The following BCKDHB variants were observed in gnomAD, a reference collection of about 807,000 sequenced individuals.
BCKDHB encodes the protein 2-oxoisovalerate dehydrogenase subunit beta, mitochondrial.
In BCKDHB, 41 loss-of-function variants were observed where a neutral mutation model predicts 48.5. That is an observed-to-expected ratio of 0.85 (90% confidence interval 0.66 to 1.10). The LOEUF (loss-of-function observed/expected upper bound fraction) is 1.10, where lower values mean the gene tolerates loss of function less well. Ranked by LOEUF, BCKDHB falls within the 50% of genes least tolerant of loss-of-function variation. The pLI is 0.00. For synonymous variants in BCKDHB, 201 were observed against 174.8 expected, an observed-to-expected ratio of 1.15 and a Z score of -1.18; for missense variants, 496 against 494.2, an observed-to-expected ratio of 1.00 and a Z score of -0.03.
intron 6 of BCKDHB, among the ~76,000 whole-genome samples, chr6:80,177,076 A>G (rs1293804530): frequency 6.6e-6 from 1 of 151,454 alleles, no homozygotes; most frequent in Admixed American, 6.6e-5. Context: ...AAAATGCAAA[A>G]TGTAGCCAGG....
intron 8 of BCKDHB, among the ~76,000 whole-genome samples, chr6:80,225,299 A>G (rs1775635175): frequency 6.6e-6 from 1 of 152,170 alleles, no homozygotes; most frequent in African/African-American, 2.4e-5. Flanking sequence ...AAGGAGATAT[A>G]TACTTTCTAT....
At chr6:80,185,292 A>T (rs1275469363) in intron 6 of BCKDHB, among the ~76,000 whole-genome samples, 1 of 149,328 alleles carries the variant, frequency 6.7e-6, no homozygotes, top group African/African-American at 2.5e-5. Flanking sequence ...TATGATATTT[A>T]TTTCTCTGTA....
chr6:80,389,001 A>C, the BCKDHB span, among the ~76,000 whole-genome samples: 1 of 152,206 alleles, frequency 6.6e-6, no homozygotes, highest in African/African-American at 2.4e-5. Context: ...AGGGACTTGG[A>C]AGAAGCATGA....
intron 9 of BCKDHB, among the ~76,000 whole-genome samples, chr6:80,294,222 C>T (rs573449531): frequency 2.6e-5 from 4 of 152,276 alleles, no homozygotes; most frequent in Non-Finnish European, 2.9e-5. Context: ...GGACATTTAT[C>T]GGTTCTCAAA....
intron 3 of BCKDHB, among the ~76,000 whole-genome samples, chr6:80,145,273 C>T (rs1195853798): frequency 6.6e-6 from 1 of 152,140 alleles, no homozygotes; most frequent in Non-Finnish European, 1.5e-5. Flanking sequence ...CTTTATTGTG[C>T]ACAGCCATGA....
chr6:80,238,739 A>G (rs1326458805), intron 8 of BCKDHB, among the ~76,000 whole-genome samples: 1 of 133,504 alleles, frequency 7.5e-6, no homozygotes, highest in African/African-American at 2.5e-5. Flanking sequence ...TCCTAATGCT[A>G]TCCCTCCCCC....
At chr6:80,322,241 T>TC (rs1344889388) in intron 9 of BCKDHB, among the ~76,000 whole-genome samples, 2 of 105,748 alleles carry the variant, frequency 1.9e-5, no homozygotes, top group East Asian at 4.7e-4. Flanking sequence ...TTCTTTTCTT[T>TC]TTTTTTTTTT....
the BCKDHB span, among the ~76,000 whole-genome samples, chr6:80,362,820 G>A: frequency 1.3e-5 from 2 of 152,096 alleles, no homozygotes; most frequent in African/African-American, 2.4e-5. Context: ...AAAATTGCAA[G>A]CATTACAATC....
At chr6:80,439,367 A>C in the BCKDHB span, among the ~76,000 whole-genome samples, 1 of 152,354 alleles carries the variant, frequency 6.6e-6, no homozygotes, top group Non-Finnish European at 1.5e-5. Context: ...AGGAGAAGAT[A>C]GAAATTGACA....
chr6:80,210,741 C>G (rs747709437), intron 8 of BCKDHB, among the ~76,000 whole-genome samples: 3 of 152,108 alleles, frequency 2.0e-5, no homozygotes, highest in Non-Finnish European at 4.4e-5. Flanking sequence ...CCACACCCTT[C>G]GTTCAGTTTC....
chr6:80,185,384 G>A (rs922596375), intron 6 of BCKDHB, among the ~76,000 whole-genome samples: 2 of 151,630 alleles, frequency 1.3e-5, no homozygotes, highest in Admixed American at 6.6e-5. Flanking sequence ...ACCTCCTTGA[G>A]TACCTTAATA....
chr6:80,213,288 T>A (rs1345429531), intron 8 of BCKDHB, among the ~76,000 whole-genome samples: 1 of 152,200 alleles, frequency 6.6e-6, no homozygotes, highest in African/African-American at 2.4e-5. Flanking sequence ...TTCTTAATGG[T>A]TGTCTATGTT....
At chr6:80,435,101 G>A in the BCKDHB span, among the ~76,000 whole-genome samples, 1 of 152,158 alleles carries the variant, frequency 6.6e-6, no homozygotes, top group Non-Finnish European at 1.5e-5. Flanking sequence ...TTTCTAGGCA[G>A]CAAACTGGAG....
intron 9 of BCKDHB, among the ~76,000 whole-genome samples, chr6:80,302,000 C>T (rs916945859): frequency 6.6e-6 from 1 of 152,064 alleles, no homozygotes; most frequent in African/African-American, 2.4e-5. Flanking sequence ...GAACATACCT[C>T]AAAACAATAA....
intron 8 of BCKDHB, among the ~76,000 whole-genome samples, chr6:80,240,593 C>T (rs1776342702): frequency 6.6e-6 from 1 of 152,172 alleles, no homozygotes; most frequent in Non-Finnish European, 1.5e-5. Flanking sequence ...TCTAAATATA[C>T]AATCATGTCA....
chr6:80,177,361 A>G (rs1383947884), intron 6 of BCKDHB, among the ~76,000 whole-genome samples: 2 of 152,010 alleles, frequency 1.3e-5, no homozygotes, highest in Non-Finnish European at 2.9e-5. Context: ...GAAAAATATA[A>G]TAAAAATCTC....
At chr6:80,257,200 T>C (rs1310103146) in intron 8 of BCKDHB, among the ~76,000 whole-genome samples, 1 of 152,100 alleles carries the variant, frequency 6.6e-6, no homozygotes, top group East Asian at 1.9e-4. Context: ...TGTCCTGTCA[T>C]AGGGCTTCTA....
chr6:80,171,253 A>C, intron 5 of BCKDHB, 29 bp from the exon 6 acceptor site: 2 of 1,391,076 alleles, frequency 1.4e-6, no homozygotes, highest in Non-Finnish European at 2.0e-6. Context: ...TTTTTACTAA[A>C]ATTGTCTTAA....
At chr6:80,356,735 G>A in the BCKDHB span, 1 of 152,076 alleles carries the variant, frequency 6.6e-6, no homozygotes, top group Non-Finnish European at 1.5e-5. Flanking sequence ...CAAATATTAA[G>A]TATTGCATAA....
Sources: allele counts gnomAD v4.1 joint callset (sites outside exome capture counted in the v4.1 genomes callset), GRCh38; gene constraint gnomAD v4.1.1; transcripts MANE v1.5; gene names NCBI Gene and HGNC (gene_info 2026-07-23, HGNC 2026-07-21).